The following NLK variants were observed in gnomAD, a reference collection of about 807,000 sequenced individuals.
NLK encodes the protein serine/threonine-protein kinase NLK.
A neutral mutation model predicts 59.0 loss-of-function variants in NLK; 11 were observed. That is an observed-to-expected ratio of 0.19 (90% CI 0.12 to 0.31). The LOEUF (loss-of-function observed/expected upper bound fraction) is 0.31. Ranked by LOEUF, NLK falls within the 10% of genes least tolerant of loss-of-function variation. The pLI is 1.00. For missense variants in NLK, 410 were observed against 661.1 expected (o/e 0.62, Z 4.16); for synonymous variants, 235 against 235.9 (o/e 1.00, Z 0.03).
In NLK at chr17:28,192,098, ATGATGTTTGT is replaced by A. The variant is rs772831911; in HGVS notation, c.1436-20_1436-11del. ...GGGCTTGCAAATTGTCATGGATTGT[ATGATGTTTGT>A]TTTCTCCACAGAAATTATTCATCAG... On this transcript the variant is annotated splice_polypyrimidine_tract_variant and intron_variant, in intron 9 of 10. Coordinates refer to ENST00000407008, the MANE Select transcript of NLK (RefSeq NM_016231.5). 3.4e-6 allele frequency: 5 copies of A among 1,455,342 alleles called. No individual in the cohort carries two copies. The South Asian group carries it at 4.7e-5, about 14-fold the overall frequency. The allele number at this position is 1,455,342 out of a possible 1,614,324, so 90.2% of individuals were successfully genotyped here. A position where few individuals can be genotyped will look rare whatever the true frequency, so the allele number is the denominator to read the frequency against.
At chr17:28,179,872 GTTTT>G (rs34411493) in intron 7 of NLK, among the ~76,000 whole-genome samples, 15 of 79,432 alleles carry the variant, frequency 1.9e-4, no homozygotes, top group Non-Finnish European at 2.6e-4. Context: ...AGCATTCTTG[GTTTT>G]TTTTTTTTTT....
At chr17:28,176,683 G>A (rs888536342) in intron 7 of NLK, among the ~76,000 whole-genome samples, 11 of 152,108 alleles carry the variant, frequency 7.2e-5, no homozygotes, top group Admixed American at 6.5e-4. Context: ...ATATCTGCAG[G>A]TAATCTGTGA....
intron 2 of NLK, among the ~76,000 whole-genome samples, chr17:28,125,815 T>A (rs965792394): frequency 6.6e-6 from 1 of 152,204 alleles, no homozygotes; most frequent in Non-Finnish European, 1.5e-5. Context: ...AAACACTTTC[T>A]TTTTGAAGGG....
At chr17:28,060,859 G>GCA (rs1909609483) in intron 1 of NLK, among the ~76,000 whole-genome samples, 1 of 152,150 alleles carries the variant, frequency 6.6e-6, no homozygotes, top group African/African-American at 2.4e-5. Flanking sequence ...AAAATTGAAT[G>GCA]CACACGCTCT....
intron 2 of NLK, among the ~76,000 whole-genome samples, chr17:28,131,959 A>G (rs904352435): frequency 6.6e-6 from 1 of 152,074 alleles, no homozygotes; most frequent in African/African-American, 2.4e-5. Flanking sequence ...CCTACCCTCT[A>G]TATTCAATAA....
At chr17:28,158,985 A>G (rs1024883994) in intron 3 of NLK, among the ~76,000 whole-genome samples, 2 of 152,228 alleles carry the variant, frequency 1.3e-5, no homozygotes, top group African/African-American at 4.8e-5. Context: ...TCAACGAAAC[A>G]TCATTATATA....
chr17:28,182,173 T>C (rs1048795248), intron 7 of NLK, among the ~76,000 whole-genome samples: 6 of 152,314 alleles, frequency 3.9e-5, no homozygotes, highest in Admixed American at 3.3e-4. Context: ...CCTAATCTTA[T>C]CTCTATTACT....
chr17:28,179,872 G>GTTTTTTTTTTTTTTTTTTT (rs34411493), intron 7 of NLK, among the ~76,000 whole-genome samples: 1 of 79,410 alleles, frequency 1.3e-5, no homozygotes, highest in Non-Finnish European at 2.4e-5. Flanking sequence ...AGCATTCTTG[G>GTTTTTTTTTTTTTTTTTTT]TTTTTTTTTT....
chr17:28,158,236 A>G (rs941981277), intron 3 of NLK, among the ~76,000 whole-genome samples: 1 of 152,222 alleles, frequency 6.6e-6, no homozygotes, highest in African/African-American at 2.4e-5. Context: ...TGAATACTGT[A>G]GGCAGCTTTA....
At chr17:28,071,445 T>G (rs1414056225) in intron 1 of NLK, among the ~76,000 whole-genome samples, 1 of 152,090 alleles carries the variant, frequency 6.6e-6, no homozygotes, top group Non-Finnish European at 1.5e-5. Context: ...TTTTTTTTTT[T>G]TTTTTTTAAC....
intron 7 of NLK, among the ~76,000 whole-genome samples, chr17:28,174,398 C>A (rs1489329747): frequency 6.6e-6 from 1 of 151,720 alleles, no homozygotes; most frequent in Non-Finnish European, 1.5e-5. Context: ...CTTAAGGGAG[C>A]ACTGTGGTAA....
At chr17:28,182,287 G>GT (rs1031067528) in intron 7 of NLK, among the ~76,000 whole-genome samples, 31 of 152,054 alleles carry the variant, frequency 2.0e-4, no homozygotes, top group African/African-American at 6.8e-4. Context: ...TGTTTGTTTG[G>GT]TTTTTTTGGA....
chr17:28,180,671 G>C (rs1169724177), intron 7 of NLK, among the ~76,000 whole-genome samples: 1 of 152,180 alleles, frequency 6.6e-6, no homozygotes, highest in Admixed American at 6.5e-5. Context: ...GTTTCACTTT[G>C]AGAGTGGAAG....
At chr17:28,102,987 G>A (rs1014252797) in intron 1 of NLK, among the ~76,000 whole-genome samples, 2 of 152,146 alleles carry the variant, frequency 1.3e-5, no homozygotes, top group African/African-American at 2.4e-5. Context: ...CTGCTATAAA[G>A]CATTCATGTG....
intron 1 of NLK, among the ~76,000 whole-genome samples, chr17:28,050,173 G>A (rs764899795): frequency 1.3e-4 from 20 of 152,148 alleles, no homozygotes; most frequent in Non-Finnish European, 8.8e-5. Context: ...CATTAAGGGC[G>A]TGTAGAGGAG....
At chr17:28,130,861 T>C (rs1906488936) in intron 2 of NLK, among the ~76,000 whole-genome samples, 1 of 152,150 alleles carries the variant, frequency 6.6e-6, no homozygotes, top group Admixed American at 6.5e-5. Flanking sequence ...TTAAAAAATA[T>C]AGCTGGCTAA....
At chr17:28,127,058 T>C (rs1330079204) in intron 2 of NLK, among the ~76,000 whole-genome samples, 1 of 152,226 alleles carries the variant, frequency 6.6e-6, no homozygotes, top group Non-Finnish European at 1.5e-5. Flanking sequence ...TTAGGGTCTA[T>C]TGATTCCTGC....
chr17:28,117,850 ATTT>A (rs1383190512), intron 1 of NLK, among the ~76,000 whole-genome samples: 4 of 152,244 alleles, frequency 2.6e-5, no homozygotes, highest in Middle Eastern at 3.4e-3. Flanking sequence ...TCCGTTTTTT[ATTT>A]ATGTTTTGGA....
At chr17:28,166,721 G>A (rs1035575259) in intron 5 of NLK, among the ~76,000 whole-genome samples, 1 of 152,154 alleles carries the variant, frequency 6.6e-6, no homozygotes, top group Non-Finnish European at 1.5e-5. Context: ...GTTGCTGGTG[G>A]TGGCACGGCT....
Sources: gnomAD v4.1 joint callset for allele counts (sites outside exome capture counted in the v4.1 genomes callset) on GRCh38, gnomAD v4.1.1 for gene constraint, MANE v1.5 for transcripts, NCBI Gene and HGNC (gene_info 2026-07-23, HGNC 2026-07-21) for gene names.